The following COL12A1 variants were observed in gnomAD, a reference collection of about 807,000 sequenced individuals.
COL12A1 encodes the protein collagen type XII alpha 1 chain, also known as collagen alpha-1(XII) chain.
Under a neutral mutation model 349.7 loss-of-function variants are expected in COL12A1, and 114 were observed. That is an observed-to-expected ratio of 0.33 (90% CI 0.28 to 0.38). The LOEUF is 0.38. Ranked by LOEUF, COL12A1 falls within the 10% of genes least tolerant of loss-of-function variation. The pLI is 1.00. For missense variants in COL12A1, 3,284 were observed against 3,756.9 expected, an observed-to-expected ratio of 0.87 and a Z score of 3.29; for synonymous variants, 1,369 against 1,329.0, an observed-to-expected ratio of 1.03 and a Z score of -0.66.
At position 75,134,823 on chromosome 6, in the gene COL12A1, G is replaced by C. The variant is rs1452235912; in HGVS notation, c.5427C>G (p.Val1809=). The C allele has an allele frequency of 6.2e-7, 1 of 1,612,890 alleles. No individual in the cohort carries two copies. Among genetic ancestry groups the C allele is most frequent in the East Asian group, 2.2e-5 (1 of 44,858 alleles). ...GAGTGTCTGGCTTCAGTTTCTGCAG[G>C]ACCACACTGTTCTGCCGTCCTCCTA... The part of the protein sequence containing the change: ...TTIGGRQNSV[V]LQKLKPDTPY... Residue 1809 remains valine, a synonymous_variant, in exon 32 of 66, where the codon GTC becomes GTG. Transcript: ENST00000322507.
intron 14 of COL12A1, among the ~76,000 whole-genome samples, chr6:75,159,536 TA>T (rs1767925674): frequency 6.6e-6 from 1 of 150,642 alleles, no homozygotes; most frequent in Admixed American, 6.6e-5. Context: ...AAGAATAGTA[TA>T]TAGAAAAATA....
chr6:75,182,924 C>A, intron 10 of COL12A1, 126 bp downstream of exon 10: 2 of 1,183,252 alleles, frequency 1.7e-6, no homozygotes, highest in Non-Finnish European at 1.2e-6. Context: ...CAATAGTTTT[C>A]AATAACATAG....
chr6:75,148,455 G>T lies in COL12A1; in HGVS notation c.4190C>A (p.Thr1397Asn). 5 of 1,613,466 alleles carry T rather than the reference G, an allele frequency of 3.1e-6. No individual in the cohort carries two copies. The highest frequency in any genetic ancestry group is 4.2e-6 in the Non-Finnish European group (5 of 1,179,532). Residue 1397 changes from threonine (T) to asparagine (N), a missense_variant, in exon 22 of 66, where the codon ACC becomes AAC. Thr to Asn is a moderately conservative substitution (Grantham distance 65). Coordinates refer to ENST00000322507, the MANE Select transcript of COL12A1 (RefSeq NM_004370.6). ...CCAGCTCACTCTAAAAGAACGATGG[G>T]TTCGCTCAGAAATAACTAAGTTAGA... The part of the protein sequence containing the change: ...APSNLVISER[T>N]HRSFRVSWTP...
chr6:75,193,357 T>C (rs1582216556), intron 3 of COL12A1, among the ~76,000 whole-genome samples: 1 of 152,288 alleles, frequency 6.6e-6, no homozygotes, highest in East Asian at 1.9e-4. Context: ...GTAAATTTTT[T>C]ACCCCTTTTT....
chr6:75,136,733 A>G (rs894339801), intron 31 of COL12A1, among the ~76,000 whole-genome samples: 7 of 152,350 alleles, frequency 4.6e-5, no homozygotes, highest in Non-Finnish European at 8.8e-5. Flanking sequence ...TTCCTGACCT[A>G]GGATAATACA....
chr6:75,184,713 CCAAA>C (rs1307243233), intron 8 of COL12A1, among the ~76,000 whole-genome samples: 1 of 152,070 alleles, frequency 6.6e-6, no homozygotes, highest in African/African-American at 2.4e-5. Context: ...CACAGTGCCA[CCAAA>C]CAGAGGGGAA....
chr6:75,193,366 T>C (rs1336913489), intron 3 of COL12A1, among the ~76,000 whole-genome samples: 1 of 152,182 alleles, frequency 6.6e-6, no homozygotes, highest in East Asian at 1.9e-4. Flanking sequence ...TTACCCCTTT[T>C]TAAGTTTTTA....
intron 21 of COL12A1, among the ~76,000 whole-genome samples, chr6:75,149,810 G>T (rs1767391321): frequency 6.6e-6 from 1 of 152,014 alleles, no homozygotes; most frequent in Non-Finnish European, 1.5e-5. Flanking sequence ...AAACTAGAAT[G>T]AATGCAACTA....
At chr6:75,203,121 C>T (rs559362473) in intron 1 of COL12A1, among the ~76,000 whole-genome samples, 1 of 152,304 alleles carries the variant, frequency 6.6e-6, no homozygotes, top group East Asian at 1.9e-4. Context: ...ATGACTTCAT[C>T]CTGCCTGGGT....
At chr6:75,199,478 A>T (rs1332264224) in intron 2 of COL12A1, among the ~76,000 whole-genome samples, 1 of 152,238 alleles carries the variant, frequency 6.6e-6, no homozygotes, top group Admixed American at 6.5e-5. Context: ...TATATATTAT[A>T]AACTATAAAT....
chr6:75,116,532 C>A (rs771370550), intron 47 of COL12A1, among the ~76,000 whole-genome samples: 3 of 152,026 alleles, frequency 2.0e-5, no homozygotes, highest in Non-Finnish European at 2.9e-5. Context: ...CTGAGGGTAC[C>A]AGATGGCTGC....
chr6:75,156,609 C>A, intron 14 of COL12A1, 86 bp from the exon 15 acceptor site: 2 of 1,271,760 alleles, frequency 1.6e-6, no homozygotes, highest in South Asian at 2.9e-5. Context: ...AAGAAACTCT[C>A]TGTGGCTTCT....
At chr6:75,147,900 A>T in intron 22 of COL12A1, 96 bp from the exon 23 acceptor site, 1 of 1,310,722 alleles carries the variant, frequency 7.6e-7, no homozygotes, top group Non-Finnish European at 1.0e-6. Context: ...TGAGCTTAGA[A>T]TCTATATTTC....
chr6:75,138,618 T>C (rs914592367), intron 28 of COL12A1, 38 bp from the exon 29 acceptor site: 6 of 1,608,544 alleles, frequency 3.7e-6, no homozygotes, highest in Non-Finnish European at 5.1e-6. Flanking sequence ...CACGCAAAAG[T>C]AAGTCTCCAC....
chr6:75,196,836 C>T (rs1582222423), intron 2 of COL12A1, among the ~76,000 whole-genome samples: 1 of 152,172 alleles, frequency 6.6e-6, no homozygotes, highest in South Asian at 2.1e-4. Context: ...CCTGAAGCAG[C>T]GGACATTAGG....
At chr6:75,179,846 A>T (rs1769170856) in intron 11 of COL12A1, among the ~76,000 whole-genome samples, 1 of 152,252 alleles carries the variant, frequency 6.6e-6, no homozygotes, top group African/African-American at 2.4e-5. Context: ...CAAACATAAC[A>T]AAGTGTGTCC....
At chr6:75,109,574 C>T (rs1768728519) in intron 51 of COL12A1, among the ~76,000 whole-genome samples, 1 of 152,086 alleles carries the variant, frequency 6.6e-6, no homozygotes, top group Admixed American at 6.5e-5. Context: ...ACTAATTTTA[C>T]TAAATTCAAC....
At chr6:75,119,579 T>C in intron 44 of COL12A1, 106 bp from the exon 45 acceptor site, 1 of 1,306,982 alleles carries the variant, frequency 7.7e-7, no homozygotes, top group Non-Finnish European at 1.0e-6. Context: ...GTGTAAAAAG[T>C]ATCTCAGACC....
intron 31 of COL12A1, among the ~76,000 whole-genome samples, chr6:75,135,574 G>C (rs1766566196): frequency 6.6e-6 from 1 of 152,206 alleles, no homozygotes; most frequent in South Asian, 2.1e-4. Flanking sequence ...ACCGAATTCA[G>C]ATGTTTATGT....
Sources: allele counts gnomAD v4.1 joint callset (sites outside exome capture counted in the v4.1 genomes callset), GRCh38; gene constraint gnomAD v4.1.1; transcripts MANE v1.5; gene names NCBI Gene and HGNC (gene_info 2026-07-23, HGNC 2026-07-21).